KIF16B: variants seen among roughly 807,000 people sequenced by gnomAD.
KIF16B encodes the protein kinesin family member 16B.
A neutral mutation model predicts 156.3 loss-of-function variants in KIF16B; 98 were observed. That is an observed-to-expected ratio of 0.63 (90% CI 0.53 to 0.74). The LOEUF (loss-of-function observed/expected upper bound fraction) is 0.74, where lower values mean the gene tolerates loss of function less well. Among genes scored for constraint, KIF16B ranks in the 30% least tolerant of loss-of-function variants. The pLI, the probability that KIF16B is intolerant of heterozygous loss-of-function variation, is 0.00. For synonymous variants in KIF16B, 564 were observed against 583.7 expected (o/e 0.97, Z 0.49); for missense variants, 1,421 against 1,606.5 (o/e 0.88, Z 1.97).
rs142548641 is a variant in KIF16B, at chr20:16,492,531, G to A, written c.1302+1760C>T. On this transcript the variant is annotated intron_variant, in intron 12 of 25. Transcript: ENST00000354981. ...ATGAAAAGTCATAAAAAAGAAAATAGTTAGACTTATTTTTTAAAAAAGCAT... is the reference window on the plus strand; with the variant it reads ...ATGAAAAGTCATAAAAAAGAAAATAATTAGACTTATTTTTTAAAAAAGCAT... Among the ~76,000 whole-genome samples the A allele has an allele frequency of 4.4e-3, 676 of 152,104 alleles. 5 individuals carry two copies. The highest frequency in any genetic ancestry group is 0.044 in the South Asian group (212 of 4,824).
intron 25 of KIF16B, among the ~76,000 whole-genome samples, chr20:16,284,186 A>G (rs1414902019): frequency 6.6e-6 from 1 of 152,174 alleles, no homozygotes. Context: ...CAGCTAGCTA[A>G]TTACACAGGA....
At chr20:16,469,192 C>T (rs2146738940) in intron 12 of KIF16B, among the ~76,000 whole-genome samples, 1 of 146,386 alleles carries the variant, frequency 6.8e-6, no homozygotes, top group South Asian at 2.2e-4. Flanking sequence ...TTGGAGGCTG[C>T]CGTGAGCTTA....
intron 18 of KIF16B, among the ~76,000 whole-genome samples, chr20:16,381,452 T>C (rs1413656671): frequency 6.6e-6 from 1 of 151,748 alleles, no homozygotes; most frequent in African/African-American, 2.4e-5. Flanking sequence ...GCCTACTGAC[T>C]CTATTTCCCA....
At chr20:16,411,765 G>A (rs1437267594) in intron 15 of KIF16B, among the ~76,000 whole-genome samples, 1 of 151,862 alleles carries the variant, frequency 6.6e-6, no homozygotes, top group African/African-American at 2.4e-5. Context: ...GACTAGGGGG[G>A]CCTCTTTTCC....
At chr20:16,335,795 G>A in intron 24 of KIF16B, 131 bp downstream of exon 24, 1 of 563,080 alleles carries the variant, frequency 1.8e-6, no homozygotes, top group Non-Finnish European at 3.1e-6. Flanking sequence ...ATTGAAGTAA[G>A]ACTTAGTGAC....
At chr20:16,446,854 C>T (rs1045772403) in intron 12 of KIF16B, among the ~76,000 whole-genome samples, 2 of 152,136 alleles carry the variant, frequency 1.3e-5, no homozygotes, top group Admixed American at 6.5e-5. Context: ...ACAATAAATG[C>T]TCCTACACAA....
chr20:16,390,984 G>T (rs1262881745), intron 17 of KIF16B, among the ~76,000 whole-genome samples: 1 of 152,208 alleles, frequency 6.6e-6, no homozygotes, highest in African/African-American at 2.4e-5. Flanking sequence ...TTTTCAACAG[G>T]AGACGGGGTG....
Position 16,388,627 on chromosome 20 carries a change from A to G in KIF16B, c.1785-6880T>C, listed in dbSNP as rs6043918. Among the ~76,000 whole-genome samples the G allele has an allele frequency of 2.6e-3, 389 of 148,128 alleles. 1 individual carries two copies. The highest frequency in any genetic ancestry group is 9.1e-3 in the African/African-American group (369 of 40,572). ...ACAAAAAAAGCATAGCATACAACCT[A>G]TTTTTTTTTTTAAATCAGAGATAGC... On this transcript the variant is annotated intron_variant, in intron 17 of 25. Coordinates refer to ENST00000354981, the MANE Select transcript of KIF16B (RefSeq NM_024704.5).
chr20:16,557,514 T>G (rs12624643), intron 1 of KIF16B, among the ~76,000 whole-genome samples: 13,649 of 152,186 alleles, frequency 0.09, 758 homozygotes, highest in East Asian at 0.31. Flanking sequence ...CTACCCCATA[T>G]AGTCATCACA....
At chr20:16,290,814 T>A (rs1297886524) in intron 25 of KIF16B, among the ~76,000 whole-genome samples, 3 of 152,158 alleles carry the variant, frequency 2.0e-5, no homozygotes, top group African/African-American at 4.8e-5. Context: ...CCTGAATATG[T>A]CAGGGAAGAG....
intron 1 of KIF16B, among the ~76,000 whole-genome samples, chr20:16,531,703 A>T (rs1042709317): frequency 3.3e-5 from 5 of 152,244 alleles, no homozygotes; most frequent in Admixed American, 6.5e-5. Context: ...ATTCCAAATT[A>T]TGACAAATTG....
intron 15 of KIF16B, among the ~76,000 whole-genome samples, chr20:16,419,029 G>A (rs906285800): frequency 2.0e-5 from 3 of 151,906 alleles, no homozygotes; most frequent in Admixed American, 6.6e-5. Context: ...TAAAAAACCC[G>A]ACTGCAGGGC....
chr20:16,302,986 T>A (rs921751728), intron 25 of KIF16B, among the ~76,000 whole-genome samples: 2 of 152,198 alleles, frequency 1.3e-5, no homozygotes, highest in African/African-American at 4.8e-5. Context: ...CCAATCAGTA[T>A]ATATTTTTTC....
chr20:16,323,511 T>C (rs534877359), intron 24 of KIF16B, among the ~76,000 whole-genome samples: 1 of 152,146 alleles, frequency 6.6e-6, no homozygotes, highest in African/African-American at 2.4e-5. Context: ...AGAAATATAC[T>C]CACAAACAAA....
chr20:16,332,914 C>T (rs1047959301), intron 24 of KIF16B, among the ~76,000 whole-genome samples: 1 of 152,098 alleles, frequency 6.6e-6, no homozygotes, highest in East Asian at 1.9e-4. Context: ...AAATTAATGT[C>T]TAAAAAGAAT....
At chr20:16,406,073 C>T (rs1415745226) in intron 16 of KIF16B, among the ~76,000 whole-genome samples, 1 of 152,138 alleles carries the variant, frequency 6.6e-6, no homozygotes, top group Non-Finnish European at 1.5e-5. Context: ...TAGAGGAAGT[C>T]ACTCTCCACC....
At chr20:16,356,207 C>T (rs2064438225) in intron 23 of KIF16B, 123 bp downstream of exon 23, 1 of 1,275,574 alleles carries the variant, frequency 7.8e-7, no homozygotes, top group Admixed American at 2.1e-5. Context: ...AAGGGCAAGA[C>T]CAAATATTTT....
intron 17 of KIF16B, 126 bp from the exon 18 acceptor site, chr20:16,381,873 C>T (rs560061494): frequency 4.6e-5 from 38 of 822,540 alleles, no homozygotes; most frequent in East Asian, 8.3e-5. Context: ...TTAATTACCA[C>T]GGGTTAGCAA....
intron 7 of KIF16B, among the ~76,000 whole-genome samples, chr20:16,506,547 GAAC>G (rs2068784291): frequency 6.6e-6 from 1 of 152,058 alleles, no homozygotes; most frequent in East Asian, 1.9e-4. Context: ...AGCCTTCCAA[GAAC>G]AAAAGCTTTC....
Sources: allele counts gnomAD v4.1 joint callset (sites outside exome capture counted in the v4.1 genomes callset), GRCh38; gene constraint gnomAD v4.1.1; transcripts MANE v1.5; gene names NCBI Gene and HGNC (gene_info 2026-07-23, HGNC 2026-07-21).